Variants in ABLIM1 observed in about 807,000 individuals in gnomAD.
ABLIM1 encodes actin-binding LIM protein 1.
Under a neutral mutation model 107.0 loss-of-function variants are expected in ABLIM1, and 40 were observed. The ratio of observed to expected loss-of-function variants is 0.37; its 90% CI spans 0.29 to 0.49. The LOEUF is 0.49. Among genes scored for constraint, ABLIM1 ranks in the 20% least tolerant of loss-of-function variants. ABLIM1 has a pLI of 0.97. For missense variants in ABLIM1, 857 were observed against 1,008.5 expected (o/e 0.85, Z 2.04); for synonymous variants, 357 against 357.3 (o/e 1.00, Z 0.01).
At chr10:114,606,621 C>T (rs1566081844) in intron 1 of ABLIM1, among the ~76,000 whole-genome samples, 1 of 152,318 alleles carries the variant, frequency 6.6e-6, no homozygotes, top group South Asian at 2.1e-4. Context: ...TCTCAAGCCC[C>T]CTTCCTTCCC....
the ABLIM1 span, among the ~76,000 whole-genome samples, chr10:114,776,599 C>A: frequency 6.6e-6 from 1 of 151,958 alleles, no homozygotes. Flanking sequence ...GGCAATAGAG[C>A]AAGACTTAGT....
chr10:114,482,718 C>G (rs1263428557), intron 8 of ABLIM1, among the ~76,000 whole-genome samples: 1 of 152,120 alleles, frequency 6.6e-6, no homozygotes, highest in Non-Finnish European at 1.5e-5. Flanking sequence ...AATCAGATGT[C>G]CCTTTTGAAC....
intron 1 of ABLIM1, among the ~76,000 whole-genome samples, chr10:114,675,412 A>G (rs1249258372): frequency 6.6e-6 from 1 of 152,178 alleles, no homozygotes; most frequent in Admixed American, 6.5e-5. Context: ...TGATGGTTTT[A>G]TAAAGGGCAG....
At chr10:114,539,671 C>A (rs2066425162) in intron 6 of ABLIM1, among the ~76,000 whole-genome samples, 1 of 152,224 alleles carries the variant, frequency 6.6e-6, no homozygotes, top group Admixed American at 6.5e-5. Flanking sequence ...GTTGCTGTTT[C>A]TTTTCTTTAT....
intron 1 of ABLIM1, among the ~76,000 whole-genome samples, chr10:114,759,735 T>C (rs2082703801): frequency 6.6e-6 from 1 of 152,108 alleles, no homozygotes; most frequent in South Asian, 2.1e-4. Flanking sequence ...TGATCAAAAG[T>C]CGATCTTTTA....
intron 1 of ABLIM1, among the ~76,000 whole-genome samples, chr10:114,667,256 C>T (rs1048527150): frequency 6.6e-6 from 1 of 152,120 alleles, no homozygotes; most frequent in African/African-American, 2.4e-5. Flanking sequence ...TATACCTTCC[C>T]ATTTCTAAAA....
intron 2 of ABLIM1, among the ~76,000 whole-genome samples, chr10:114,576,711 G>C (rs932490397): frequency 2.0e-5 from 3 of 152,112 alleles, no homozygotes. Context: ...TACAAGCTAC[G>C]GAAGACGTTC....
intron 2 of ABLIM1, among the ~76,000 whole-genome samples, chr10:114,590,210 T>A (rs775375783): frequency 2.0e-5 from 3 of 152,090 alleles, no homozygotes; most frequent in Non-Finnish European, 4.4e-5. Flanking sequence ...TTTGTGGAGG[T>A]AGACTCTATG....
chr10:114,769,609 T>C (rs1261746238), upstream of ABLIM1, among the ~76,000 whole-genome samples: 1 of 152,128 alleles, frequency 6.6e-6, no homozygotes, highest in African/African-American at 2.4e-5. Context: ...TTGTTTTCTA[T>C]GTTGGCACTG....
intron 1 of ABLIM1, among the ~76,000 whole-genome samples, chr10:114,706,857 A>T (rs808250): frequency 0.24 from 33,167 of 140,848 alleles, 5,768 homozygotes; most frequent in African/African-American, 0.5. Context: ...CTTCTACTTT[A>T]AAAAAAAAAA....
intron 1 of ABLIM1, among the ~76,000 whole-genome samples, chr10:114,611,599 T>C (rs991919806): frequency 6.6e-6 from 1 of 152,226 alleles, no homozygotes; most frequent in Admixed American, 6.5e-5. Context: ...GACTCCTGAT[T>C]ATAGAAACAG....
rs71007472 is a variant in ABLIM1 at position 114,474,384 on chromosome 10, C to CTTTTTTT, written c.1042-435_1042-429dup. On this transcript the variant is annotated intron_variant, in intron 8 of 22. Coordinates refer to ENST00000533213, the MANE Select transcript of ABLIM1 (RefSeq NM_002313.7). ...CCTGGCAGGCAATGGATAGAGAGAC[C>CTTTTTTT]TTTTTTTTTTTTTTGAGACGGAGTC... Among the ~76,000 whole-genome samples the CTTTTTTT allele has an allele frequency of 2.9e-4, 39 of 135,948 alleles. 2 individuals are homozygous for CTTTTTTT. The highest frequency in any genetic ancestry group is 1.0e-3 in the African/African-American group (36 of 34,984). The allele number at this position is 135,948 out of a possible 152,430, so 89.2% of individuals were successfully genotyped here.
At chr10:114,736,236 G>C (rs865894527) in intron 1 of ABLIM1, among the ~76,000 whole-genome samples, 2 of 152,098 alleles carry the variant, frequency 1.3e-5, no homozygotes, top group African/African-American at 4.8e-5. Context: ...GAATAGCCTG[G>C]CCCTAGAATG....
chr10:114,484,129 G>A (rs1223589666), intron 8 of ABLIM1, among the ~76,000 whole-genome samples: 2 of 152,130 alleles, frequency 1.3e-5, no homozygotes, highest in East Asian at 3.9e-4. Flanking sequence ...TCCCCTTGCA[G>A]TATAGCAGGA....
intron 1 of ABLIM1, among the ~76,000 whole-genome samples, chr10:114,637,063 G>A (rs919565142): frequency 6.8e-6 from 1 of 147,910 alleles, no homozygotes; most frequent in Non-Finnish European, 1.5e-5. Flanking sequence ...AAAAAAGAGT[G>A]TGGAGGTTTG....
intron 1 of ABLIM1, among the ~76,000 whole-genome samples, chr10:114,664,365 A>C (rs1445443314): frequency 2.0e-5 from 3 of 152,204 alleles, no homozygotes; most frequent in Admixed American, 1.3e-4. Flanking sequence ...ACGAATTAGC[A>C]GGAAACCAGG....
At chr10:114,613,820 C>G in intron 1 of ABLIM1, 1 of 1,084,054 alleles carries the variant, frequency 9.2e-7, no homozygotes, top group Non-Finnish European at 1.2e-6. Flanking sequence ...ACTTCAGGCT[C>G]CTTCAAGCTC....
intron 1 of ABLIM1, among the ~76,000 whole-genome samples, chr10:114,604,793 G>A (rs1377488503): frequency 6.6e-6 from 1 of 152,206 alleles, no homozygotes; most frequent in Non-Finnish European, 1.5e-5. Flanking sequence ...AAAATGCACT[G>A]CAGTTTCTCT....
At chr10:114,789,496 C>G in the ABLIM1 span, among the ~76,000 whole-genome samples, 2 of 152,104 alleles carry the variant, frequency 1.3e-5, no homozygotes, top group Non-Finnish European at 2.9e-5. Context: ...GGTACATGTA[C>G]AGGATTGTTA....
Sources: allele counts gnomAD v4.1 joint callset (sites outside exome capture counted in the v4.1 genomes callset), GRCh38; gene constraint gnomAD v4.1.1; transcripts MANE v1.5; gene names NCBI Gene and HGNC (gene_info 2026-07-23, HGNC 2026-07-21).